COL21A1: variants seen among roughly 807,000 people sequenced by gnomAD.
COL21A1 encodes the protein collagen alpha-1(XXI) chain.
COL21A1 carries 149 observed loss-of-function variants against 137.9 expected under a neutral mutation model. The ratio of observed to expected loss-of-function variants is 1.08; its 90% confidence interval spans 0.95 to 1.24. The LOEUF is 1.24. COL21A1 is among the 50% of genes most tolerant of loss of function. The pLI, the probability that COL21A1 is intolerant of heterozygous loss-of-function variation, is 0.00. For missense variants in COL21A1, 1,167 were observed against 1,158.4 expected (o/e 1.01, Z -0.11); for synonymous variants, 456 against 391.5 (o/e 1.16, Z -1.95).
At chr6:56,170,601 G>T in intron 5 of COL21A1, 48 bp downstream of exon 5, 1 of 1,296,460 alleles carries the variant, frequency 7.7e-7, no homozygotes, top group Non-Finnish European at 1.1e-6. Flanking sequence ...ACCCAATAGT[G>T]CTTCCCCATG....
intron 1 of COL21A1, among the ~76,000 whole-genome samples, chr6:56,269,674 A>C (rs970800117): frequency 2.4e-4 from 34 of 143,032 alleles, no homozygotes; most frequent in Admixed American, 7.7e-4. Flanking sequence ...AAAAAAAAAA[A>C]AAAAAAGAAG....
chr6:56,116,365 A>C (rs1309568646), intron 16 of COL21A1, among the ~76,000 whole-genome samples: 1 of 143,416 alleles, frequency 7.0e-6, no homozygotes, highest in Non-Finnish European at 1.5e-5. Context: ...AGAGAGTAGC[A>C]TGATGCATGA....
At chr6:56,197,248 C>G (rs1372077566) in intron 1 of COL21A1, among the ~76,000 whole-genome samples, 1 of 151,944 alleles carries the variant, frequency 6.6e-6, no homozygotes, top group African/African-American at 2.4e-5. Context: ...CCTGAAATCA[C>G]AAAACTCCTA....
chr6:56,267,824 C>T (rs9382598), intron 1 of COL21A1, among the ~76,000 whole-genome samples: 39,162 of 150,582 alleles, frequency 0.26, 6,331 homozygotes, highest in East Asian at 0.67. Flanking sequence ...TTCTTATTTG[C>T]AGGGAGGGGA....
At chr6:56,074,891 T>C (rs994893515) in intron 19 of COL21A1, among the ~76,000 whole-genome samples, 11 of 151,404 alleles carry the variant, frequency 7.3e-5, no homozygotes, top group Non-Finnish European at 1.6e-4. Context: ...AATTATATCA[T>C]TAGAAAATAT....
chr6:56,123,272 T>C (rs1002813644), intron 16 of COL21A1, among the ~76,000 whole-genome samples: 2 of 152,204 alleles, frequency 1.3e-5, no homozygotes, highest in Admixed American at 6.5e-5. Flanking sequence ...GGCTCCCATA[T>C]TTTATAGTCA....
chr6:56,251,159 C>T (rs1020953876), upstream of COL21A1, among the ~76,000 whole-genome samples: 2 of 152,278 alleles, frequency 1.3e-5, no homozygotes, highest in East Asian at 1.9e-4. Flanking sequence ...TGATATATTG[C>T]TCTCTTAGAA....
intron 1 of COL21A1, among the ~76,000 whole-genome samples, chr6:56,362,957 T>A (rs778733333): frequency 3.3e-5 from 5 of 152,194 alleles, no homozygotes; most frequent in African/African-American, 4.8e-5. Context: ...GATGCCTTTC[T>A]CCCACCTTCT....
At chr6:56,207,103 GACACCCTA>G (rs2152302836) in intron 1 of COL21A1, among the ~76,000 whole-genome samples, 1 of 152,056 alleles carries the variant, frequency 6.6e-6, no homozygotes, top group South Asian at 2.1e-4. Flanking sequence ...ATCTAAAATT[GACACCCTA>G]ACATCAAAAT....
intron 16 of COL21A1, among the ~76,000 whole-genome samples, chr6:56,113,060 C>T (rs1771592571): frequency 6.6e-6 from 1 of 152,166 alleles, no homozygotes; most frequent in Non-Finnish European, 1.5e-5. Flanking sequence ...TGCCTGTAAA[C>T]CTCACCACCA....
At chr6:56,291,401 G>A (rs894947490) in intron 1 of COL21A1, among the ~76,000 whole-genome samples, 4 of 152,206 alleles carry the variant, frequency 2.6e-5, no homozygotes, top group East Asian at 1.9e-4. Flanking sequence ...GAAAGGAACC[G>A]CTGCTGCCAG....
At chr6:56,331,815 C>T (rs924440031) in intron 1 of COL21A1, 1 of 120,472 alleles carries the variant, frequency 8.3e-6, no homozygotes, top group African/African-American at 2.6e-5. Context: ...CTGTACGCAT[C>T]TGCAGGTCTA....
At chr6:56,264,235 T>A (rs1401107788) in intron 1 of COL21A1, among the ~76,000 whole-genome samples, 5 of 152,158 alleles carry the variant, frequency 3.3e-5, no homozygotes, top group Admixed American at 1.3e-4. Flanking sequence ...TCATAACACG[T>A]CCATTCCCAT....
chr6:56,137,943 T>G (rs745893172), intron 12 of COL21A1, among the ~76,000 whole-genome samples: 45 of 152,202 alleles, frequency 3.0e-4, no homozygotes, highest in Non-Finnish European at 5.3e-4. Context: ...CAGCACCATG[T>G]GTACAGAAAG....
chr6:56,361,191 G>C (rs1054077700), intron 1 of COL21A1, among the ~76,000 whole-genome samples: 3 of 152,126 alleles, frequency 2.0e-5, no homozygotes, highest in African/African-American at 7.2e-5. Context: ...GGTTGGGAGA[G>C]GTAACTCAAG....
intron 1 of COL21A1, among the ~76,000 whole-genome samples, chr6:56,334,484 C>T (rs1582789781): frequency 6.6e-6 from 1 of 152,042 alleles, no homozygotes; most frequent in Non-Finnish European, 1.5e-5. Context: ...GGTTTGGTGG[C>T]ATGAAGAAGC....
intron 1 of COL21A1, among the ~76,000 whole-genome samples, chr6:56,323,706 A>G (rs1303468406): frequency 6.6e-6 from 1 of 152,154 alleles, no homozygotes; most frequent in Non-Finnish European, 1.5e-5. Flanking sequence ...TCTTTGAAGG[A>G]GTAGCTCTTT....
intron 1 of COL21A1, among the ~76,000 whole-genome samples, chr6:56,346,814 G>A (rs1028609022): frequency 1.3e-5 from 2 of 152,122 alleles, no homozygotes; most frequent in South Asian, 4.1e-4. Context: ...CTATACTCAG[G>A]GTAGCAGCAG....
At chr6:56,108,586 G>A (rs1582377552) in intron 16 of COL21A1, among the ~76,000 whole-genome samples, 1 of 151,830 alleles carries the variant, frequency 6.6e-6, no homozygotes, top group East Asian at 1.9e-4. Context: ...AATGAATAAC[G>A]TAGAAACTAC....
Sources: gnomAD v4.1 joint callset for allele counts (sites outside exome capture counted in the v4.1 genomes callset) on GRCh38, gnomAD v4.1.1 for gene constraint, MANE v1.5 for transcripts, NCBI Gene and HGNC (gene_info 2026-07-23, HGNC 2026-07-21) for gene names.